Variants in FUT8 observed in about 807,000 individuals in gnomAD.
The protein encoded by FUT8 is alpha-(1,6)-fucosyltransferase.
In FUT8, 29 loss-of-function variants were observed where a neutral mutation model predicts 71.3. The ratio of observed to expected loss-of-function variants is 0.41; its 90% CI spans 0.30 to 0.55. FUT8 has a LOEUF of 0.55. Among genes scored for constraint, FUT8 ranks in the 20% least tolerant of loss-of-function variants. FUT8 has a pLI of 0.34. For missense variants in FUT8, 544 were observed against 702.1 expected, an observed-to-expected ratio of 0.77 and a Z score of 2.55; for synonymous variants, 254 against 239.3, an observed-to-expected ratio of 1.06 and a Z score of -0.57.
At chr14:65,402,270 A>T in the FUT8 span, among the ~76,000 whole-genome samples, 16 of 144,792 alleles carry the variant, frequency 1.1e-4, no homozygotes, top group African/African-American at 3.9e-4. Context: ...GTGCATGAAC[A>T]CAGCTCTCTG....
chr14:65,679,428 A>G (rs1892929506), intron 7 of FUT8, among the ~76,000 whole-genome samples: 1 of 152,302 alleles, frequency 6.6e-6, no homozygotes, highest in African/African-American at 2.4e-5. Context: ...TAAAAGTTAT[A>G]TGGTGTCTCT....
intron 3 of FUT8, among the ~76,000 whole-genome samples, chr14:65,613,306 A>G (rs1889104359): frequency 6.6e-6 from 1 of 152,226 alleles, no homozygotes; most frequent in African/African-American, 2.4e-5. Context: ...TTCCTGTCCT[A>G]TAGTATATTG....
chr14:65,728,984 A>G (rs1301708690), intron 9 of FUT8, among the ~76,000 whole-genome samples: 2 of 151,628 alleles, frequency 1.3e-5, no homozygotes, highest in African/African-American at 4.9e-5. Context: ...TTCACTTAAT[A>G]CAGCAATAGA....
intron 2 of FUT8, among the ~76,000 whole-genome samples, chr14:65,528,125 C>T (rs188762072): frequency 2.4e-4 from 36 of 152,352 alleles, no homozygotes; most frequent in Non-Finnish European, 3.2e-4. Flanking sequence ...GCCTTTTGTT[C>T]GGCTATGCCC....
At chr14:65,439,954 G>GTGTGTACGTA in intron 1 of FUT8, among the ~76,000 whole-genome samples, 6 of 74,974 alleles carry the variant, frequency 8.0e-5, no homozygotes, top group African/African-American at 1.0e-4. Context: ...GTGTGTGTGT[G>GTGTGTACGTA]TATATATATA....
At chr14:65,501,917 T>G (rs959083212) in intron 2 of FUT8, among the ~76,000 whole-genome samples, 1 of 144,996 alleles carries the variant, frequency 6.9e-6, no homozygotes, top group African/African-American at 2.5e-5. Flanking sequence ...CTTTTCTTTC[T>G]TTTTTTTTTT....
At chr14:65,593,803 C>T (rs1203081446) in intron 3 of FUT8, among the ~76,000 whole-genome samples, 2 of 151,936 alleles carry the variant, frequency 1.3e-5, no homozygotes, top group African/African-American at 4.8e-5. Flanking sequence ...CTTGAACTCC[C>T]AACCTCAGGT....
chr14:65,727,388 C>T (rs372552967), intron 9 of FUT8, among the ~76,000 whole-genome samples: 4 of 152,304 alleles, frequency 2.6e-5, no homozygotes, highest in African/African-American at 9.6e-5. Flanking sequence ...CAGAGGTTCC[C>T]AAACCTCAGT....
chr14:65,572,025 C>G (rs537502525), intron 3 of FUT8, among the ~76,000 whole-genome samples: 1 of 152,236 alleles, frequency 6.6e-6, no homozygotes, highest in African/African-American at 2.4e-5. Context: ...CATAGTCTTA[C>G]AAGTTTTTTG....
At chr14:65,416,807 GTCTC>G (rs1399535904) in intron 1 of FUT8, among the ~76,000 whole-genome samples, 3 of 134,628 alleles carry the variant, frequency 2.2e-5, no homozygotes, top group Non-Finnish European at 4.7e-5. Context: ...GTTGGGGGTT[GTCTC>G]TCTATGTTGC....
chr14:65,637,516 A>G (rs1890622054), intron 6 of FUT8, among the ~76,000 whole-genome samples: 1 of 152,144 alleles, frequency 6.6e-6, no homozygotes, highest in Non-Finnish European at 1.5e-5. Flanking sequence ...CATAGCCCCA[A>G]AGTTGATATT....
chr14:65,470,099 A>T (rs1014444186), intron 2 of FUT8, among the ~76,000 whole-genome samples: 1 of 152,260 alleles, frequency 6.6e-6, no homozygotes, highest in African/African-American at 2.4e-5. Flanking sequence ...TCTCCACCTC[A>T]GCTTCCTCAG....
intron 2 of FUT8, among the ~76,000 whole-genome samples, chr14:65,546,636 C>G (rs901602511): frequency 6.6e-6 from 1 of 151,758 alleles, no homozygotes; most frequent in African/African-American, 2.4e-5. Context: ...TATGAATACT[C>G]ATGTACTAGT....
chr14:65,482,313 C>G (rs938093512), intron 2 of FUT8, among the ~76,000 whole-genome samples: 2 of 151,972 alleles, frequency 1.3e-5, no homozygotes, highest in African/African-American at 2.4e-5. Flanking sequence ...TTTTGTTCCA[C>G]TGACCTCTTT....
chr14:65,584,265 G>A (rs549204966), intron 3 of FUT8, among the ~76,000 whole-genome samples: 2 of 149,232 alleles, frequency 1.3e-5, no homozygotes, highest in Non-Finnish European at 3.0e-5. Context: ...TGCAAACTCC[G>A]CCTCCCAGAT....
At chr14:65,444,972 G>A (rs768606784) in intron 1 of FUT8, among the ~76,000 whole-genome samples, 1 of 152,096 alleles carries the variant, frequency 6.6e-6, no homozygotes, top group African/African-American at 2.4e-5. Context: ...TTGAGAGGCC[G>A]AGGCGGGTGG....
Position 65,557,372 on chromosome 14 carries a change from G to A in FUT8, c.-227-3965G>A, listed in dbSNP as rs543595019. On this transcript the variant is annotated intron_variant, in intron 2 of 10. Transcript: ENST00000673929. Reference sequence around the variant, plus strand: ...TTTTGAGACAGAGCCTTGCTCTGTCGCCCAGGCTGGAGTGTGGTGTTGTGA... The same window carrying A: ...TTTTGAGACAGAGCCTTGCTCTGTCACCCAGGCTGGAGTGTGGTGTTGTGA... Among the ~76,000 whole-genome samples the A allele has an allele frequency of 6.9e-5, 10 of 145,514 alleles. No homozygotes were observed. In the South Asian group the frequency reaches 1.1e-3, roughly 16 times the overall value.
At chr14:65,394,491 A>G in the FUT8 span, among the ~76,000 whole-genome samples, 5 of 152,096 alleles carry the variant, frequency 3.3e-5, no homozygotes, top group South Asian at 1.0e-3. Context: ...TTCAAAACCA[A>G]TCATGCCTTC....
chr14:65,390,460 T>G, the FUT8 span, among the ~76,000 whole-genome samples: 1 of 152,052 alleles, frequency 6.6e-6, no homozygotes, highest in Non-Finnish European at 1.5e-5. Context: ...TTTATGCCTT[T>G]TTACATAACT....
Sources: allele counts gnomAD v4.1 joint callset (sites outside exome capture counted in the v4.1 genomes callset), GRCh38; gene constraint gnomAD v4.1.1; transcripts MANE v1.5; gene names NCBI Gene and HGNC (gene_info 2026-07-23, HGNC 2026-07-21).